The following MRPL48 variants were observed in gnomAD, a reference collection of about 807,000 sequenced individuals.
MRPL48 encodes the protein large ribosomal subunit protein mL48.
In MRPL48, 16 loss-of-function variants were observed where a neutral mutation model predicts 32.9. The observed-to-expected ratio is 0.49, with a 90% CI of 0.33 to 0.74. The LOEUF (loss-of-function observed/expected upper bound fraction) is 0.74. Among genes scored for constraint, MRPL48 ranks in the 30% least tolerant of loss-of-function variants. MRPL48 has a pLI of 0.02. For synonymous variants in MRPL48, 94 were observed against 89.2 expected, an observed-to-expected ratio of 1.05 and a Z score of -0.31; for missense variants, 206 against 245.3, an observed-to-expected ratio of 0.84 and a Z score of 1.07.
intron 1 of MRPL48, chr11:73,801,988 T>G (rs567563172): frequency 6.6e-6 from 1 of 152,324 alleles, no homozygotes; most frequent in East Asian, 1.9e-4. Context: ...TGGTTTAGCA[T>G]AGGGGTTCTT....
chr11:73,816,700 G>C (rs1947683570), intron 3 of MRPL48, among the ~76,000 whole-genome samples: 1 of 152,034 alleles, frequency 6.6e-6, no homozygotes, highest in African/African-American at 2.4e-5. Context: ...CCGACCTTAG[G>C]TGATCCGCCC....
At chr11:73,802,988 C>T (rs1483034874) in intron 1 of MRPL48, among the ~76,000 whole-genome samples, 2 of 152,268 alleles carry the variant, frequency 1.3e-5, no homozygotes, top group Admixed American at 6.5e-5. Context: ...TTAGCCACTA[C>T]ACCTGGCTTA....
At chr11:73,820,150 C>G (rs952906489) in intron 3 of MRPL48, among the ~76,000 whole-genome samples, 17 of 152,140 alleles carry the variant, frequency 1.1e-4, no homozygotes, top group African/African-American at 3.9e-4. Flanking sequence ...TATACTTTCC[C>G]TGCTTATGGC....
chr11:73,845,969 G>A (rs1358908659), intron 5 of MRPL48, among the ~76,000 whole-genome samples: 1 of 150,396 alleles, frequency 6.6e-6, no homozygotes, highest in Admixed American at 6.7e-5. Context: ...TTGCGAGGCT[G>A]AGGCAGGAGA....
In MRPL48 at chr11:73,864,389, T is replaced by G. The variant is rs1948633352; in HGVS notation, c.*19T>G. The G allele has an allele frequency of 1.9e-6, 3 of 1,612,696 alleles. No homozygotes were observed. Among genetic ancestry groups the G allele is most frequent in the Non-Finnish European group, 1.7e-6 (2 of 1,179,182 alleles). On this transcript the variant is annotated 3_prime_UTR_variant, in exon 8 of 8. Coordinates refer to ENST00000310614, the MANE Select transcript of MRPL48 (RefSeq NM_016055.6). ...GAAGTAGCTACTGTAGACCCTTTCATGCCAGCAGTGGTCATATTGAGTGCC... is the reference window on the plus strand; with the variant it reads ...GAAGTAGCTACTGTAGACCCTTTCAGGCCAGCAGTGGTCATATTGAGTGCC...
intron 1 of MRPL48, among the ~76,000 whole-genome samples, chr11:73,797,731 AC>A (rs1947284198): frequency 6.6e-6 from 1 of 152,218 alleles, no homozygotes; most frequent in African/African-American, 2.4e-5. Context: ...CAGGCGTGGG[AC>A]CCAGGCTGGT....
intron 3 of MRPL48, among the ~76,000 whole-genome samples, chr11:73,812,043 G>A (rs1421241191): frequency 6.6e-6 from 1 of 151,968 alleles, no homozygotes; most frequent in Non-Finnish European, 1.5e-5. Context: ...CTGCCACCAC[G>A]CCCCACTCAT....
chr11:73,829,983 A>G (rs991549923), intron 4 of MRPL48, among the ~76,000 whole-genome samples: 12 of 152,096 alleles, frequency 7.9e-5, no homozygotes, highest in African/African-American at 2.7e-4. Context: ...GCTGGTCTCA[A>G]ACTCCAGGAC....
intron 4 of MRPL48, chr11:73,843,082 G>T (rs1300072029): frequency 6.6e-6 from 1 of 152,054 alleles, no homozygotes; most frequent in Non-Finnish European, 1.5e-5. Flanking sequence ...CAAAGTTCTG[G>T]GATTACAGGT....
At chr11:73,794,278 G>A (rs565088664) in intron 1 of MRPL48, among the ~76,000 whole-genome samples, 7 of 151,354 alleles carry the variant, frequency 4.6e-5, no homozygotes, top group East Asian at 3.9e-4. Context: ...AATCAAGGCC[G>A]GGCATGGTGG....
At chr11:73,808,457 C>T (rs1347312019) in intron 3 of MRPL48, 107 bp downstream of exon 3, 13 of 1,119,506 alleles carry the variant, frequency 1.2e-5, no homozygotes, top group Non-Finnish European at 1.7e-5. Context: ...GAACAGTGGC[C>T]TGAACCAAAC....
At chr11:73,844,681 G>A (rs1948253892) in intron 4 of MRPL48, 126 bp from the exon 5 acceptor site, 1 of 1,060,210 alleles carries the variant, frequency 9.4e-7, no homozygotes, top group Non-Finnish European at 1.3e-6. Flanking sequence ...TTTGTAGGTG[G>A]GGTAACCTGA....
At chr11:73,811,752 CA>C (rs1348953756) in intron 3 of MRPL48, among the ~76,000 whole-genome samples, 1 of 152,034 alleles carries the variant, frequency 6.6e-6, no homozygotes, top group African/African-American at 2.4e-5. Context: ...AAAATAATGG[CA>C]AAAACTGCAC....
chr11:73,820,820 C>G (rs1947766666), intron 3 of MRPL48, among the ~76,000 whole-genome samples: 1 of 152,052 alleles, frequency 6.6e-6, no homozygotes, highest in Admixed American at 6.6e-5. Flanking sequence ...CTACTTCCCC[C>G]CCACTATCCC....
At chr11:73,845,138 A>G in intron 5 of MRPL48, 162 bp downstream of exon 5, 1 of 707,962 alleles carries the variant, frequency 1.4e-6, no homozygotes, top group Non-Finnish European at 2.1e-6. Flanking sequence ...TATTAACCTG[A>G]AAAGTTCTTT....
Position 73,808,280 on chromosome 11 carries a change from ATTGTATTGAACATACT to A in MRPL48, c.75-30_75-15del. On this transcript the variant is annotated splice_polypyrimidine_tract_variant and intron_variant, in intron 2 of 7. Transcript: ENST00000310614. ...TATGCAAATAAAATATGGGTTTCTA[ATTGTATTGAACATACT>A]TTCTCCCTCCTTTTAGGTTTAGAAC... The A allele has an allele frequency of 6.3e-7, 1 of 1,575,510 alleles. No homozygotes were observed. Among genetic ancestry groups the A allele is most frequent in the Non-Finnish European group, 8.7e-7 (1 of 1,155,088 alleles).
intron 3 of MRPL48, among the ~76,000 whole-genome samples, chr11:73,819,202 T>TG (rs1405242453): frequency 6.6e-6 from 1 of 152,246 alleles, no homozygotes; most frequent in Non-Finnish European, 1.5e-5. Context: ...AACAGTGGTT[T>TG]GAACCAGCTT....
chr11:73,855,523 C>T (rs533835481), intron 5 of MRPL48, among the ~76,000 whole-genome samples: 2 of 152,008 alleles, frequency 1.3e-5, no homozygotes, highest in African/African-American at 2.4e-5. Flanking sequence ...AGTCTCACTC[C>T]GTTGCCCAGG....
At chr11:73,807,407 C>T (rs1947473355) in intron 2 of MRPL48, among the ~76,000 whole-genome samples, 1 of 150,990 alleles carries the variant, frequency 6.6e-6, no homozygotes, top group Non-Finnish European at 1.5e-5. Flanking sequence ...TTTCTTAATC[C>T]CAAATGTGAT....
Sources: gnomAD v4.1 joint callset for allele counts (sites outside exome capture counted in the v4.1 genomes callset) on GRCh38, gnomAD v4.1.1 for gene constraint, MANE v1.5 for transcripts, NCBI Gene and HGNC (gene_info 2026-07-23, HGNC 2026-07-21) for gene names.